The following KIAA1328 variants were observed in gnomAD, a reference collection of about 807,000 sequenced individuals.
KIAA1328 encodes the protein protein hinderin.
A neutral mutation model predicts 68.1 loss-of-function variants in KIAA1328; 52 were observed. The observed-to-expected ratio is 0.76, with a 90% CI of 0.61 to 0.96. KIAA1328 has a LOEUF of 0.96. Among genes scored for constraint, KIAA1328 ranks in the 40% least tolerant of loss-of-function variants. The pLI is 0.00. For missense variants in KIAA1328, 641 were observed against 677.6 expected (o/e 0.95, Z 0.60); for synonymous variants, 232 against 239.4 (o/e 0.97, Z 0.28).
chr18:37,070,775 A>G (rs919119991), intron 7 of KIAA1328, among the ~76,000 whole-genome samples: 3 of 151,784 alleles, frequency 2.0e-5, no homozygotes, highest in African/African-American at 7.3e-5. Context: ...ATGGGGTTTT[A>G]CCATGTTGGC....
intron 5 of KIAA1328, among the ~76,000 whole-genome samples, chr18:36,913,521 CACTT>C (rs2049550400): frequency 1.1e-5 from 1 of 92,916 alleles, no homozygotes; most frequent in African/African-American, 3.6e-5. Context: ...CACACACACA[CACTT>C]AGAGGAAAGC....
chr18:37,066,927 T>C lies in KIAA1328; in HGVS notation c.614T>C (p.Val205Ala). 1 of 1,608,138 alleles carries C rather than the reference T, an allele frequency of 6.2e-7. No homozygotes were observed. The highest frequency in any genetic ancestry group is 2.2e-5 in the East Asian group (1 of 44,782). ...SRKSTLQCSS[V>A]ELDGSYLSIA... is the part of the protein sequence containing the mutation. The stretch of plus-strand genomic sequence containing the variant: ...AAAAGCACTCTCCAGTGTTCATCTG[T>C]GGAACTGGATGGTTCCTACTTGAGC... The change falls in exon 7 of 10, where the codon GTG becomes GCG. Residue 205 changes from valine to alanine, a missense_variant. Transcript: ENST00000280020.
chr18:36,942,022 G>GA (rs1187134845), intron 5 of KIAA1328, among the ~76,000 whole-genome samples: 2 of 152,114 alleles, frequency 1.3e-5, no homozygotes. Flanking sequence ...ACTTTGCCTT[G>GA]AAAAAACTGA....
intron 9 of KIAA1328, among the ~76,000 whole-genome samples, chr18:37,178,965 T>G (rs2059647600): frequency 6.6e-6 from 1 of 152,192 alleles, no homozygotes; most frequent in Non-Finnish European, 1.5e-5. Flanking sequence ...CTTATATATT[T>G]TGCATAGTAA....
Position 37,043,053 on chromosome 18 carries a change from C to A in KIAA1328, c.577-23837C>A, listed in dbSNP as rs112404722. Among the ~76,000 whole-genome samples, 388 of 152,180 alleles carry A rather than the reference C, an allele frequency of 2.5e-3. 7 individuals are homozygous for A. Among genetic ancestry groups the A allele is most frequent in the Non-Finnish European group, 2.9e-3 (197 of 67,982 alleles). ...TGAATTTTGCACTTAATTTTTTGTACTTTTCAATGCTAGCATTTCCATTTG... is the reference window on the plus strand; with the variant it reads ...TGAATTTTGCACTTAATTTTTTGTAATTTTCAATGCTAGCATTTCCATTTG... On this transcript the variant is annotated intron_variant, in intron 6 of 9. Transcript: ENST00000280020.
At chr18:37,062,658 T>C (rs2056196943) in intron 6 of KIAA1328, among the ~76,000 whole-genome samples, 1 of 152,114 alleles carries the variant, frequency 6.6e-6, no homozygotes, top group African/African-American at 2.4e-5. Context: ...GGTTTCACCG[T>C]GTTAACCAGG....
At chr18:37,228,401 A>G (rs908815448), downstream of KIAA1328, among the ~76,000 whole-genome samples, 3 of 152,218 alleles carry the variant, frequency 2.0e-5, no homozygotes, top group African/African-American at 4.8e-5. Flanking sequence ...GGAAGGGTCA[A>G]TTATGTGCCA....
intron 5 of KIAA1328, among the ~76,000 whole-genome samples, chr18:36,906,031 A>T (rs1057113524): frequency 5.9e-5 from 9 of 152,182 alleles, no homozygotes; most frequent in Admixed American, 4.6e-4. Context: ...TATAAACTAC[A>T]GTGCTAATGT....
chr18:36,908,618 G>A (rs1344019305), intron 5 of KIAA1328, among the ~76,000 whole-genome samples: 1 of 152,144 alleles, frequency 6.6e-6, no homozygotes, highest in Admixed American at 6.6e-5. Context: ...GGGATTATGG[G>A]TGTGAGCTAC....
At chr18:36,953,995 C>CTTTTCTTTTT (rs759857868) in intron 5 of KIAA1328, among the ~76,000 whole-genome samples, 7 of 113,552 alleles carry the variant, frequency 6.2e-5, no homozygotes, top group Non-Finnish European at 1.2e-4. Flanking sequence ...CTGATTGTTT[C>CTTTTCTTTTT]TTTTTTTTTT....
intron 5 of KIAA1328, among the ~76,000 whole-genome samples, chr18:36,953,055 TAG>T (rs2051229368): frequency 1.3e-5 from 2 of 151,766 alleles, no homozygotes; most frequent in South Asian, 4.2e-4. Flanking sequence ...TTCAAATATA[TAG>T]AGAGTTGACA....
chr18:37,159,449 G>C (rs986718209), intron 7 of KIAA1328, among the ~76,000 whole-genome samples: 6 of 152,128 alleles, frequency 3.9e-5, no homozygotes, highest in Non-Finnish European at 8.8e-5. Context: ...TATGGGCATG[G>C]GGAAGACAAA....
intron 6 of KIAA1328, among the ~76,000 whole-genome samples, chr18:36,979,029 C>G (rs1226521986): frequency 1.3e-5 from 2 of 152,036 alleles, no homozygotes; most frequent in Non-Finnish European, 2.9e-5. Flanking sequence ...CATGGTGGTA[C>G]ACACCTGTAT....
At chr18:37,077,637 C>T (rs1383049871) in intron 7 of KIAA1328, among the ~76,000 whole-genome samples, 1 of 151,364 alleles carries the variant, frequency 6.6e-6, no homozygotes, top group Non-Finnish European at 1.5e-5. Context: ...AGCAAAGTCT[C>T]AGGATACAAA....
intron 2 of KIAA1328, among the ~76,000 whole-genome samples, 158 bp downstream of exon 2, chr18:36,834,513 C>G (rs1353511870): frequency 6.6e-6 from 1 of 152,150 alleles, no homozygotes; most frequent in Non-Finnish European, 1.5e-5. Context: ...TGTCATAACC[C>G]TATTAAGGTT....
intron 7 of KIAA1328, among the ~76,000 whole-genome samples, chr18:37,125,223 G>A (rs1320316017): frequency 6.6e-6 from 1 of 152,072 alleles, no homozygotes; most frequent in Non-Finnish European, 1.5e-5. Flanking sequence ...AGGAGGTTGA[G>A]GTAGGAGGAT....
At chr18:36,885,402 T>G (rs2048462993) in intron 4 of KIAA1328, among the ~76,000 whole-genome samples, 155 bp from the exon 5 acceptor site, 1 of 152,172 alleles carries the variant, frequency 6.6e-6, no homozygotes. Flanking sequence ...TTATGAGAGA[T>G]TAAGTTTTTT....
rs71168252 is a variant in KIAA1328, at chr18:36,992,451, CTTTTTTTTTT to C, written c.576+33032_576+33041del. 5.6e-3 allele frequency among the ~76,000 whole-genome samples: 730 copies of C among 130,136 alleles called. 5 individuals carry two copies. Among genetic ancestry groups the C allele is most frequent in the African/African-American group, 0.023 (678 of 29,026 alleles). 85.4% of individuals were successfully genotyped at this position (130,136 alleles called of 152,430 possible). ...AGGTCCAATTTCTTTTCTTTTCTTTCTTTTTTTTTTTTTTTTTTTTTTTTTGCTATATGTG... is the reference window on the plus strand; with the variant it reads ...AGGTCCAATTTCTTTTCTTTTCTTTCTTTTTTTTTTTTTTTGCTATATGTG... On this transcript the variant is annotated intron_variant, in intron 6 of 9. Coordinates refer to ENST00000280020, the MANE Select transcript of KIAA1328 (RefSeq NM_020776.3).
intron 9 of KIAA1328, chr18:37,193,670 C>T (rs1463497240): frequency 1.4e-5 from 10 of 702,324 alleles, no homozygotes; most frequent in South Asian, 8.9e-5. Flanking sequence ...CTAGGCTACA[C>T]GGATTATGGA....
Sources: allele counts gnomAD v4.1 joint callset (sites outside exome capture counted in the v4.1 genomes callset), GRCh38; gene constraint gnomAD v4.1.1; transcripts MANE v1.5; gene names NCBI Gene and HGNC (gene_info 2026-07-23, HGNC 2026-07-21).